The following KCP variants were observed in gnomAD, a reference collection of about 807,000 sequenced individuals.
The protein encoded by KCP is kielin/chordin-like protein.
Under a neutral mutation model 212.7 loss-of-function variants are expected in KCP, and 194 were observed. That is an observed-to-expected ratio of 0.91 (90% CI 0.81 to 1.03). The LOEUF is 1.03. KCP is among the 50% of genes least tolerant of loss of function. The pLI is 0.00. For missense variants in KCP, 2,080 were observed against 2,162.5 expected (o/e 0.96, Z 0.76); for synonymous variants, 833 against 865.3 (o/e 0.96, Z 0.65).
rs1405024555 is a variant in KCP, at chr7:128,880,376, C to A, written c.3759+10G>T. The A allele has an allele frequency of 3.3e-6, 5 of 1,492,950 alleles. No homozygotes were observed. The highest frequency in any genetic ancestry group is 1.3e-5 in the South Asian group (1 of 78,412). 92.5% of individuals were successfully genotyped at this position (1,492,950 alleles called of 1,614,324 possible). A position where few individuals can be genotyped will look rare whatever the true frequency, so the allele number is the denominator to read the frequency against. On this transcript the variant is annotated intron_variant, in intron 34 of 39. Transcript: ENST00000610776. ...TGACCCTCCCCACCATTTTAGATTG[C>A]GGCACTCACGGGGCCACACGAGAGC...
intron 20 of KCP, 60 bp from the exon 21 acceptor site, chr7:128,890,573 G>A: frequency 6.8e-7 from 1 of 1,465,254 alleles, no homozygotes; most frequent in South Asian, 1.3e-5. Context: ...GGGACTTGGT[G>A]GTCGTGGGGT....
rs532348562 is a variant in KCP, at chr7:128,903,755, C to G, written c.720G>C (p.Arg240Ser). Reference sequence around the variant, plus strand: ...GGCAGGTTGGGCAGCAGTGCCCAGGCCTCAGCACTGGCTCTGGGCAGGGGC... The same window carrying G: ...GGCAGGTTGGGCAGCAGTGCCCAGGGCTCAGCACTGGCTCTGGGCAGGGGC... ...PPSPCPEPVLRPGHCCPTCQG... is the reference protein window; with the variant it reads ...PPSPCPEPVLSPGHCCPTCQG... Residue 240 changes from arginine (R) to serine (S), a missense_variant, in exon 7 of 40, where the codon AGG becomes AGC. Transcript: ENST00000610776. The G allele has an allele frequency of 3.2e-5, 50 of 1,550,986 alleles. 1 individual carries two copies. In the South Asian group the frequency reaches 5.2e-4, roughly 16 times the overall value.
At chr7:128,903,163 C>T in intron 7 of KCP, 1 of 449,828 alleles carries the variant, frequency 2.2e-6, no homozygotes, top group Non-Finnish European at 4.0e-6. Flanking sequence ...TGCACACTCA[C>T]CCTCCGTGTC....
Position 128,880,526 on chromosome 7 carries a change from G to A in KCP, c.3619C>T (p.Pro1207Ser), listed in dbSNP as rs1412243560. Residue 1207 changes from proline to serine, a missense_variant and splice_region_variant, in exon 34 of 40, where the codon CCC (proline) becomes TCC (serine). Transcript: ENST00000610776. ...ADSCCERCQA[P>S]TQSCVHQGRE... ...CCCTGGTGCACGCAGGACTGGGTGG[G>A]AGCTGAAGGGATAGGAGCTGGGAGG... 10 of 1,480,140 alleles carry A rather than the reference G, an allele frequency of 6.8e-6. No individual in the cohort carries two copies. Among genetic ancestry groups the A allele is most frequent in the Non-Finnish European group, 9.0e-6 (10 of 1,105,322 alleles). 91.7% of individuals were successfully genotyped at this position (1,480,140 alleles called of 1,614,324 possible).
At position 128,894,269 on chromosome 7, in the gene KCP, G is replaced by C. The variant is rs761334158; in HGVS notation, c.856C>G (p.Arg286Gly). 1.3e-6 allele frequency: 2 copies of C among 1,543,992 alleles called. No homozygotes were observed. The highest frequency in any genetic ancestry group is 1.8e-6 in the Non-Finnish European group (2 of 1,141,988). ...CLEGHIQCRQRECASLCPYPA... is the reference protein window; with the variant it reads ...CLEGHIQCRQGECASLCPYPA... ...TATGGACACAGGCTGGCACATTCTC[G>C]CTGGCGGCACTGGATGTGACCCTCC... The change falls in exon 9 of 40, where the codon CGA becomes GGA. Residue 286 changes from arginine (R) to glycine (G), a missense_variant. Arg to Gly is a moderately radical substitution (Grantham distance 125, BLOSUM62 -2). Transcript: ENST00000610776.
In KCP at chr7:128,886,752, C is replaced by A. The variant is rs1449794429; in HGVS notation, c.2690-15G>T. On this transcript the variant is annotated splice_polypyrimidine_tract_variant and intron_variant, in intron 24 of 39. Coordinates refer to ENST00000610776, the MANE Select transcript of KCP (RefSeq NM_001366122.1). ...AGAGAGACAGCCTGTGGGGGACACA[C>A]CTCCTGGGTGGGGGGCCTGTGCCAC... 6.4e-7 allele frequency: 1 copy of A among 1,550,928 alleles called. No homozygotes were observed. Among genetic ancestry groups the A allele is most frequent in the African/African-American group, 1.4e-5 (1 of 73,026 alleles).
At chr7:128,902,521 C>T (rs950368675) in intron 8 of KCP, among the ~76,000 whole-genome samples, 47 of 152,172 alleles carry the variant, frequency 3.1e-4, no homozygotes, top group African/African-American at 1.0e-3. Flanking sequence ...ATATCCTGCC[C>T]GGTCTCCTTC....
Position 128,908,307 on chromosome 7 carries a change from G to GAAAGAAAGAAAGAAAGT in KCP, c.219+118_219+119insACTTTCTTTCTTTCTTT, listed in dbSNP as rs1554420571. On this transcript the variant is annotated intron_variant, in intron 2 of 39. Transcript: ENST00000610776. ...GAAAGAAAGAAAGAAAGAAAGAAAG[G>GAAAGAAAGAAAGAAAGT]GAATTGTTCAGATAAGAGCTCTATT... 14 of 396,992 alleles carry GAAAGAAAGAAAGAAAGT rather than the reference G, an allele frequency of 3.5e-5. No individual in the cohort carries two copies. The African/African-American group carries it at 4.2e-4, about 12-fold the overall frequency. The allele number at this position is 396,992 out of a possible 1,614,324, so 24.6% of individuals were successfully genotyped here.
At chr7:128,908,266 G>GAAAGAAAGAAA (rs755227443) in intron 2 of KCP, among the ~76,000 whole-genome samples, 160 bp downstream of exon 2, 5 of 146,368 alleles carry the variant, frequency 3.4e-5, no homozygotes, top group African/African-American at 1.2e-4. Flanking sequence ...AAGAAAGAAA[G>GAAAGAAAGAAA]AAAGAAAGAA....
intron 16 of KCP, among the ~76,000 whole-genome samples, chr7:128,892,223 G>A (rs1419284055): frequency 7.9e-5 from 12 of 151,916 alleles, no homozygotes; most frequent in African/African-American, 2.7e-4. Flanking sequence ...GGTTTACCTG[G>A]GGGGTAGGGG....
chr7:128,906,703 T>C (rs189199332), intron 4 of KCP, among the ~76,000 whole-genome samples: 21 of 151,896 alleles, frequency 1.4e-4, no homozygotes, highest in Non-Finnish European at 2.2e-4. Flanking sequence ...TGAGGGAGAA[T>C]AGGCAGGCCA....
In KCP at chr7:128,892,965, G is replaced by C. The variant is rs770653458; in HGVS notation, c.1324C>G (p.Arg442Gly). 12 of 1,245,426 alleles carry C rather than the reference G, an allele frequency of 9.6e-6. No homozygotes were observed. In the South Asian group the frequency reaches 1.5e-4, roughly 16 times the overall value. The allele number at this position is 1,245,426 out of a possible 1,614,324, so 77.1% of individuals were successfully genotyped here. ...TGACAGACGCAGGCGGTGCAGGGCC[G>C]ACCATCAGGCTCCCACTGGACTCCC... ...AEGVQWEPDG[R>G]PCTACVCQDG... The change falls in exon 14 of 40, where the codon CGG becomes GGG. Residue 442 changes from arginine to glycine, a missense_variant. Coordinates refer to ENST00000610776, the MANE Select transcript of KCP (RefSeq NM_001366122.1).
chr7:128,877,380 G>A, intron 39 of KCP, 69 bp from the exon 40 acceptor site: 1 of 1,526,636 alleles, frequency 6.6e-7, no homozygotes, highest in South Asian at 1.2e-5. Flanking sequence ...GCGTACCCCT[G>A]CGAGACTCGC....
rs1403123236 is a variant in KCP, at chr7:128,904,079, G to T, written c.631C>A (p.Pro211Thr). The T allele has an allele frequency of 4.5e-6, 7 of 1,551,536 alleles. No individual in the cohort carries two copies. Among genetic ancestry groups the T allele is most frequent in the Non-Finnish European group, 5.2e-6 (6 of 1,146,966 alleles). ...ACCAGGCAGGTGCACTGTAGACAAG[G>T]GTTGGAGCTGGACAGGAAGGTGACC... is the stretch of plus-strand genomic sequence containing the variant. ...EGVTFLSSSN[P>T]CLQCTCLRSR... The change falls in exon 6 of 40, where the codon CCT becomes ACT. Residue 211 changes from proline to threonine, a missense_variant. Pro to Thr is a conservative substitution (Grantham distance 38, BLOSUM62 -1). Transcript: ENST00000610776.
Position 128,891,541 on chromosome 7 carries a change from A to G in KCP, c.1796-8T>C, listed in dbSNP as rs1032918079. 1.6e-4 allele frequency: 242 copies of G among 1,545,372 alleles called. No individual in the cohort carries two copies. The highest frequency in any genetic ancestry group is 2.0e-4 in the Non-Finnish European group (231 of 1,143,436). ...TCCCGCCAAAGGCACAGCCTGGGGG[A>G]GGGAGGGGCTATAGCCTGGGAGAGG... On this transcript the variant is annotated splice_polypyrimidine_tract_variant and splice_region_variant and intron_variant, in intron 17 of 39. Transcript: ENST00000610776.
In KCP at chr7:128,888,926, AG is replaced by A; in HGVS notation, c.2448del (p.Cys817ValfsTer268). On this transcript the variant is annotated frameshift_variant, in exon 22 of 40. Coordinates refer to ENST00000610776, the MANE Select transcript of KCP (RefSeq NM_001366122.1). LOFTEE classifies it high-confidence loss of function. The part of the protein sequence containing the change: ...LGGFVTCGRR[P>X]CEPPGCSHPL... ...GGGTGGCTGCAGCCCGGAGGCTCAC[AG>A]GGCCGGCGGCCGCAGGTCACGAAGC... 1 of 1,549,438 alleles carries A rather than the reference AG, an allele frequency of 6.5e-7. No individual in the cohort carries two copies. Among genetic ancestry groups the A allele is most frequent in the South Asian group, 1.2e-5 (1 of 83,956 alleles).
In KCP at chr7:128,906,818, A is replaced by G. The variant is rs145152760; in HGVS notation, c.486+283T>C. On this transcript the variant is annotated intron_variant, in intron 4 of 39. Coordinates refer to ENST00000610776, the MANE Select transcript of KCP (RefSeq NM_001366122.1). ...AAGTAATTGCGGTTTTTGCCATTAA[A>G]AGTCATGTCAAAAACCGCAATTACT... Among the ~76,000 whole-genome samples the G allele has an allele frequency of 7.6e-4, 115 of 151,990 alleles. 1 individual carries two copies. The East Asian group carries it at 0.017, about 23-fold the overall frequency.
chr7:128,878,516 G>T (rs1395415693), intron 38 of KCP, 42 bp downstream of exon 38: 5 of 1,524,856 alleles, frequency 3.3e-6, no homozygotes, highest in Non-Finnish European at 4.4e-6. Flanking sequence ...ATGCTCAGCT[G>T]CGTCTCCCCT....
In KCP at chr7:128,904,047, T is replaced by TG. The variant is rs1196975885; in HGVS notation, c.654+8dup. On this transcript the variant is annotated intron_variant, in intron 6 of 39. Transcript: ENST00000610776. ...GCAGGGCCTGGGCAGAGGGGACAGG[T>TG]GGACTCACCAGGCAGGTGCACTGTA... 1 of 1,549,878 alleles carries TG rather than the reference T, an allele frequency of 6.5e-7. No individual in the cohort carries two copies. Among genetic ancestry groups the TG allele is most frequent in the East Asian group, 2.4e-5 (1 of 40,854 alleles).
Sources: allele counts gnomAD v4.1 joint callset (sites outside exome capture counted in the v4.1 genomes callset), GRCh38; gene constraint gnomAD v4.1.1; transcripts MANE v1.5; gene names NCBI Gene and HGNC (gene_info 2026-07-23, HGNC 2026-07-21).